SAFB: variants seen among roughly 807,000 people sequenced by gnomAD.
SAFB encodes the protein scaffold attachment factor B.
SAFB carries 15 observed loss-of-function variants against 101.6 expected under a neutral mutation model. That is an observed-to-expected ratio of 0.15 (90% CI 0.10 to 0.23). SAFB has a LOEUF of 0.23. Among genes scored for constraint, SAFB ranks in the 10% least tolerant of loss-of-function variants. SAFB has a pLI of 1.00. For synonymous variants in SAFB, 449 were observed against 407.5 expected (o/e 1.10, Z -1.23); for missense variants, 930 against 1,104.1 (o/e 0.84, Z 2.23).
intron 2 of SAFB, among the ~76,000 whole-genome samples, chr19:5,637,668 A>G (rs1390673180): frequency 1.3e-5 from 2 of 151,198 alleles, no homozygotes; most frequent in Non-Finnish European, 2.9e-5. Flanking sequence ...CCTGTCTCCA[A>G]AAAAAAATAG....
intron 2 of SAFB, among the ~76,000 whole-genome samples, chr19:5,628,792 T>C (rs2053424185): frequency 6.6e-6 from 1 of 152,244 alleles, no homozygotes; most frequent in South Asian, 2.1e-4. Flanking sequence ...TACTCAAGTA[T>C]ACTTCTGCCA....
intron 4 of SAFB, among the ~76,000 whole-genome samples, chr19:5,643,563 G>C (rs2053765749): frequency 6.6e-6 from 1 of 152,158 alleles, no homozygotes; most frequent in South Asian, 2.1e-4. Context: ...ACAGCAGCAG[G>C]AGTTACTTAC....
At chr19:5,645,880 GTTTTGTTTTGT>G (rs920599571) in intron 5 of SAFB, among the ~76,000 whole-genome samples, 5 of 152,104 alleles carry the variant, frequency 3.3e-5, no homozygotes, top group East Asian at 1.9e-4. Flanking sequence ...TTTTTGTTTT[GTTTTGTTTTGT>G]TTTTGTTTTG....
intron 2 of SAFB, among the ~76,000 whole-genome samples, chr19:5,637,140 C>G (rs1006661929): frequency 4.7e-5 from 7 of 150,180 alleles, no homozygotes; most frequent in African/African-American, 1.5e-4. Flanking sequence ...GTCAGGAGAT[C>G]GAGACCATCC....
At chr19:5,628,829 GAGAA>G (rs1296713945) in intron 2 of SAFB, among the ~76,000 whole-genome samples, 6 of 152,208 alleles carry the variant, frequency 3.9e-5, no homozygotes, top group African/African-American at 1.4e-4. Context: ...AAAATCAATG[GAGAA>G]AGAAATAATA....
chr19:5,642,072 G>T, intron 4 of SAFB, 126 bp downstream of exon 4: 1 of 790,944 alleles, frequency 1.3e-6, no homozygotes, highest in Non-Finnish European at 2.2e-6. Context: ...ATAAGGGTCA[G>T]TTGGTTCAGA....
chr19:5,664,482 A>T, intron 17 of SAFB, 43 bp downstream of exon 17: 3 of 1,505,222 alleles, frequency 2.0e-6, no homozygotes, highest in Non-Finnish European at 2.8e-6. Context: ...TTTCCCATAG[A>T]ATGGGTTCTT....
In SAFB at chr19:5,667,240, C is replaced by T. The variant is rs549274616; in HGVS notation, c.2453+76C>T. 8.1e-6 allele frequency: 10 copies of T among 1,237,114 alleles called. No homozygotes were observed. The Admixed American group carries it at 2.3e-4, about 29-fold the overall frequency. 76.6% of individuals were successfully genotyped at this position (1,237,114 alleles called of 1,614,324 possible). On this transcript the variant is annotated intron_variant, in intron 18 of 20. Transcript: ENST00000588852. This position sits in a 1 kb window ranked among gnomAD's most constrained non-coding sequence, Gnocchi z 4.0. ...GGCCCGCAAGTCGCTGGGATGTGGGCACAGGGTGGGAAACACAGAGGGATT... is the reference window on the plus strand; with the variant it reads ...GGCCCGCAAGTCGCTGGGATGTGGGTACAGGGTGGGAAACACAGAGGGATT...
chr19:5,641,986 T>C lies in SAFB; in HGVS notation c.546+40T>C, dbSNP rs1481885298. ...ATGTCTCTAGAATGTGCCCTGAATG[T>C]ATCAGTTCCACAATTAAAATAGGTG... On this transcript the variant is annotated intron_variant, in intron 4 of 20. Coordinates refer to ENST00000588852, the MANE Select transcript of SAFB (RefSeq NM_001201338.2). 8.7e-6 allele frequency: 13 copies of C among 1,493,520 alleles called. No individual in the cohort carries two copies. The Admixed American group carries it at 1.8e-4, about 21-fold the overall frequency. The allele number at this position is 1,493,520 out of a possible 1,614,324, so 92.5% of individuals were successfully genotyped here.
rs1372933304 is a variant in SAFB at position 5,667,654 on chromosome 19, G to A, written c.2558-166G>A. 5.5e-6 allele frequency: 4 copies of A among 730,260 alleles called. No individual in the cohort carries two copies. Among genetic ancestry groups the A allele is most frequent in the Admixed American group, 2.6e-5 (1 of 39,152 alleles). The allele number at this position is 730,260 out of a possible 1,614,324, so 45.2% of individuals were successfully genotyped here. A position where few individuals can be genotyped will look rare whatever the true frequency, so the allele number is the denominator to read the frequency against. On this transcript the variant is annotated intron_variant, in intron 19 of 20. Transcript: ENST00000588852. The surrounding 1 kb of genome is among the most constrained non-coding windows in gnomAD (Gnocchi z 4.0). ...TGGGCGTTCCCGAGTTCTCTCTGCT[G>A]GGAGGAAGCTGGACGTCTATGGTCC...
At chr19:5,648,164 G>C (rs546681520) in intron 6 of SAFB, 121 bp downstream of exon 6, 459 of 842,642 alleles carry the variant, frequency 5.4e-4, no homozygotes, top group Non-Finnish European at 8.2e-4. Context: ...TGTTCTAAAG[G>C]TTTACAATCC....
chr19:5,655,870 C>T (rs1052647202), intron 13 of SAFB, among the ~76,000 whole-genome samples: 1 of 152,002 alleles, frequency 6.6e-6, no homozygotes, highest in African/African-American at 2.4e-5. Flanking sequence ...TCAAGTGTAC[C>T]GGAAGTGCTT....
intron 2 of SAFB, among the ~76,000 whole-genome samples, chr19:5,640,703 C>T (rs2053690103): frequency 1.3e-5 from 2 of 151,892 alleles, no homozygotes; most frequent in South Asian, 4.2e-4. Context: ...GATTTTCCTG[C>T]CTCCGCCTCC....
chr19:5,651,166 A>C, intron 9 of SAFB, 94 bp downstream of exon 9: 2 of 751,088 alleles, frequency 2.7e-6, no homozygotes, highest in East Asian at 2.6e-5. Flanking sequence ...GTTCTTTGAG[A>C]GATACCAAGG....
At chr19:5,638,879 C>G (rs942217609) in intron 2 of SAFB, among the ~76,000 whole-genome samples, 4 of 151,982 alleles carry the variant, frequency 2.6e-5, no homozygotes, top group African/African-American at 9.7e-5. Flanking sequence ...GCCACCACGC[C>G]TGGCTAATTT....
rs1260190885 is a variant in SAFB, at chr19:5,656,706, A to G, written c.1756-535A>G. On this transcript the variant is annotated intron_variant, in intron 13 of 20. Transcript: ENST00000588852. ...ATCCTCCCACCTCATCCTCCAAAGT[A>G]ACTGAGATTACAAGCATGCGCCACC... Among the ~76,000 whole-genome samples, 3 of 151,760 alleles carry G rather than the reference A, an allele frequency of 2.0e-5. No individual in the cohort carries two copies. In the East Asian group the frequency reaches 5.8e-4, roughly 29 times the overall value.
chr19:5,638,242 C>G (rs557573588), intron 2 of SAFB, among the ~76,000 whole-genome samples: 5 of 152,276 alleles, frequency 3.3e-5, no homozygotes, highest in African/African-American at 1.2e-4. Flanking sequence ...GCATTGTTGG[C>G]TGACAGGAGA....
intron 2 of SAFB, among the ~76,000 whole-genome samples, chr19:5,634,749 A>G (rs181491685): frequency 5.9e-5 from 9 of 152,280 alleles, no homozygotes; most frequent in Admixed American, 2.0e-4. Context: ...GAAAAAGCAG[A>G]TGTGGCCTAG....
chr19:5,643,483 C>G (rs1040036887), intron 4 of SAFB, among the ~76,000 whole-genome samples: 1 of 152,064 alleles, frequency 6.6e-6, no homozygotes, highest in Non-Finnish European at 1.5e-5. Context: ...TATTCTGATA[C>G]AAATAGGGTG....
Sources: gnomAD v4.1 joint callset for allele counts (sites outside exome capture counted in the v4.1 genomes callset) on GRCh38, gnomAD v4.1.1 for gene constraint, Gnocchi (gnomAD v3.1) non-coding constraint, MANE v1.5 for transcripts, NCBI Gene and HGNC (gene_info 2026-07-23, HGNC 2026-07-21) for gene names.